DGKB: variants seen among roughly 807,000 people sequenced by gnomAD.
DGKB encodes diacylglycerol kinase beta.
In DGKB, 67 loss-of-function variants were observed where a neutral mutation model predicts 114.3. The observed-to-expected ratio is 0.59, with a 90% CI of 0.48 to 0.72. The LOEUF (loss-of-function observed/expected upper bound fraction) is 0.72, where lower values mean the gene tolerates loss of function less well. DGKB is among the 30% of genes least tolerant of loss of function. DGKB has a pLI of 0.00. For missense variants in DGKB, 907 were observed against 975.2 expected, an observed-to-expected ratio of 0.93 and a Z score of 0.93; for synonymous variants, 398 against 323.1, an observed-to-expected ratio of 1.23 and a Z score of -2.49.
At chr7:14,297,569 C>T (rs1049168448) in intron 23 of DGKB, among the ~76,000 whole-genome samples, 1 of 152,092 alleles carries the variant, frequency 6.6e-6, no homozygotes, top group African/African-American at 2.4e-5. Context: ...ATAATAAGAG[C>T]TGTTTATGAT....
At chr7:14,657,843 G>A (rs912834476) in intron 13 of DGKB, among the ~76,000 whole-genome samples, 2 of 151,836 alleles carry the variant, frequency 1.3e-5, no homozygotes, top group African/African-American at 4.8e-5. Flanking sequence ...GTAGCATTGG[G>A]ATTGTCATTA....
chr7:14,616,824 A>G (rs929769317), intron 15 of DGKB, among the ~76,000 whole-genome samples: 2 of 151,746 alleles, frequency 1.3e-5, no homozygotes, highest in Admixed American at 6.6e-5. Flanking sequence ...ATACGGTTTC[A>G]CACACACAAA....
intron 23 of DGKB, among the ~76,000 whole-genome samples, chr7:14,179,179 A>G (rs910875368): frequency 6.6e-6 from 1 of 152,186 alleles, no homozygotes; most frequent in East Asian, 1.9e-4. Context: ...TCCAATCTGA[A>G]TATTTGCATT....
chr7:14,768,141 T>C (rs770507112), intron 2 of DGKB, among the ~76,000 whole-genome samples: 56 of 151,926 alleles, frequency 3.7e-4, no homozygotes, highest in Admixed American at 2.6e-4. Context: ...AACATAAAAC[T>C]CCAAAATATT....
intron 13 of DGKB, among the ~76,000 whole-genome samples, chr7:14,666,211 A>T (rs2128934441): frequency 6.6e-6 from 1 of 152,164 alleles, no homozygotes; most frequent in East Asian, 1.9e-4. Flanking sequence ...CAGGTAATGA[A>T]GGACATTTCC....
At chr7:14,768,559 T>C (rs1836813015) in intron 2 of DGKB, among the ~76,000 whole-genome samples, 1 of 152,092 alleles carries the variant, frequency 6.6e-6, no homozygotes, top group South Asian at 2.1e-4. Flanking sequence ...TCCCCAATGG[T>C]ATCAGTACCT....
intron 2 of DGKB, among the ~76,000 whole-genome samples, chr7:14,769,445 T>C (rs1222404719): frequency 1.3e-5 from 2 of 151,974 alleles, no homozygotes; most frequent in Non-Finnish European, 2.9e-5. Flanking sequence ...CCGATGTGCT[T>C]ATATTACAAA....
intron 6 of DGKB, among the ~76,000 whole-genome samples, chr7:14,708,251 T>C (rs1284797349): frequency 1.9e-5 from 2 of 106,510 alleles, no homozygotes; most frequent in African/African-American, 8.7e-5. Context: ...GGAATCCACC[T>C]TACAAGGGAT....
chr7:14,688,729 C>T (rs1444165384), intron 9 of DGKB, among the ~76,000 whole-genome samples: 1 of 152,162 alleles, frequency 6.6e-6, no homozygotes, highest in Non-Finnish European at 1.5e-5. Context: ...TAGTTGCCTA[C>T]AAGGCAAAGG....
intron 1 of DGKB, among the ~76,000 whole-genome samples, chr7:14,856,627 T>G (rs1395287354): frequency 6.6e-6 from 1 of 151,912 alleles, no homozygotes; most frequent in Non-Finnish European, 1.5e-5. Flanking sequence ...GTCTCATTGA[T>G]GTCACTGCTG....
intron 1 of DGKB, among the ~76,000 whole-genome samples, chr7:14,871,267 A>G (rs1240922239): frequency 6.6e-6 from 1 of 152,138 alleles, no homozygotes; most frequent in Non-Finnish European, 1.5e-5. Context: ...AACACTTAAA[A>G]TCCATTCTTT....
intron 21 of DGKB, among the ~76,000 whole-genome samples, chr7:14,440,042 G>A (rs898225201): frequency 6.6e-6 from 1 of 151,996 alleles, no homozygotes; most frequent in Admixed American, 6.6e-5. Context: ...TTTCAAAAAA[G>A]GGTCCAGGGA....
intron 23 of DGKB, chr7:14,268,851 A>C (rs1406296030): frequency 1.3e-5 from 2 of 152,200 alleles, no homozygotes; most frequent in Non-Finnish European, 2.9e-5. Flanking sequence ...GTGTCTCTGT[A>C]ATATGTAAGA....
intron 22 of DGKB, among the ~76,000 whole-genome samples, chr7:14,344,099 A>T (rs771135559): frequency 6.7e-5 from 10 of 150,270 alleles, no homozygotes; most frequent in Non-Finnish European, 1.0e-4. Context: ...TTTTATATAC[A>T]GTTATTTGTG....
At chr7:14,290,111 C>T (rs1308117496) in intron 23 of DGKB, among the ~76,000 whole-genome samples, 2 of 152,158 alleles carry the variant, frequency 1.3e-5, no homozygotes, top group African/African-American at 2.4e-5. Flanking sequence ...TCTATGTTCA[C>T]AGACAAACTG....
chr7:14,266,035 C>G (rs757251582), intron 23 of DGKB, among the ~76,000 whole-genome samples: 1 of 152,108 alleles, frequency 6.6e-6, no homozygotes. Context: ...GTAAATGCTA[C>G]TGAGTGCATG....
At chr7:14,722,066 C>T (rs2128360837) in intron 5 of DGKB, among the ~76,000 whole-genome samples, 1 of 152,198 alleles carries the variant, frequency 6.6e-6, no homozygotes, top group East Asian at 1.9e-4. Context: ...ACATTCTCCA[C>T]CAAAGTAGTA....
chr7:14,929,159 A>G (rs1208532426), intron 1 of DGKB, among the ~76,000 whole-genome samples: 2 of 151,996 alleles, frequency 1.3e-5, no homozygotes, highest in African/African-American at 4.8e-5. Flanking sequence ...TTGATTCCAT[A>G]GCTTTGCTCT....
Position 14,937,967 on chromosome 7 carries a change from G to A in DGKB, c.-188+36729C>T, listed in dbSNP as rs148927731. Among the ~76,000 whole-genome samples, 26 of 152,238 alleles carry A rather than the reference G, an allele frequency of 1.7e-4. No homozygotes were observed. In the East Asian group the frequency reaches 5.0e-3, roughly 29 times the overall value. On this transcript the variant is annotated intron_variant, in intron 1 of 4. Coordinates refer to the DGKB transcript ENST00000437998. The stretch of plus-strand genomic sequence containing the variant: ...TAATACAACAAAACATGTGTTAGTT[G>A]ACTGTTTATTAAGGCTTTGGCCAAC...
Sources: gnomAD v4.1 joint callset for allele counts (sites outside exome capture counted in the v4.1 genomes callset) on GRCh38, gnomAD v4.1.1 for gene constraint, MANE v1.5 for transcripts, NCBI Gene and HGNC (gene_info 2026-07-23, HGNC 2026-07-21) for gene names.